LPIN1: variants seen among roughly 807,000 people sequenced by gnomAD.
LPIN1 encodes lipin 1.
In LPIN1, 71 loss-of-function variants were observed where a neutral mutation model predicts 107.5. The ratio of observed to expected loss-of-function variants is 0.66; its 90% CI spans 0.55 to 0.80. The LOEUF is 0.80. Ranked by LOEUF, LPIN1 falls within the 30% of genes least tolerant of loss-of-function variation. The pLI is 0.00. For missense variants in LPIN1, 1,043 were observed against 1,160.6 expected, an observed-to-expected ratio of 0.90 and a Z score of 1.47; for synonymous variants, 445 against 452.6, an observed-to-expected ratio of 0.98 and a Z score of 0.21.
intron 15 of LPIN1, among the ~76,000 whole-genome samples, chr2:11,804,055 G>T (rs1678225777): frequency 6.6e-6 from 1 of 152,140 alleles, no homozygotes; most frequent in Non-Finnish European, 1.5e-5. Context: ...TCCTAGAGTG[G>T]TAAGTGTATC....
At chr2:11,690,329 A>T (rs1662207430) in intron 1 of LPIN1, among the ~76,000 whole-genome samples, 1 of 152,154 alleles carries the variant, frequency 6.6e-6, no homozygotes, top group African/African-American at 2.4e-5. Flanking sequence ...ATAAAATTAT[A>T]GGTCAACAGT....
chr2:11,711,280 A>G (rs1663393653), intron 1 of LPIN1, among the ~76,000 whole-genome samples: 1 of 152,188 alleles, frequency 6.6e-6, no homozygotes, highest in African/African-American at 2.4e-5. Context: ...ACAGGAGCTG[A>G]AATAGAAGCA....
intron 1 of LPIN1, among the ~76,000 whole-genome samples, chr2:11,692,523 TA>T (rs1220782890): frequency 1.3e-5 from 2 of 152,222 alleles, no homozygotes; most frequent in Admixed American, 6.5e-5. Flanking sequence ...TATGTAACGC[TA>T]GTGAATTCTT....
intron 17 of LPIN1, among the ~76,000 whole-genome samples, chr2:11,812,281 A>G (rs1558292104): frequency 1.3e-5 from 2 of 152,248 alleles, no homozygotes; most frequent in South Asian, 4.1e-4. Flanking sequence ...GTAGCAAAGA[A>G]TGGGACAAAG....
chr2:11,792,492 C>T (rs1190491920), intron 13 of LPIN1: 1 of 190,048 alleles, frequency 5.3e-6, no homozygotes, highest in Non-Finnish European at 1.1e-5. Flanking sequence ...AAGCAATCCT[C>T]CCATCTCAGC....
At chr2:11,698,625 G>A (rs1177722657) in intron 1 of LPIN1, among the ~76,000 whole-genome samples, 2 of 152,312 alleles carry the variant, frequency 1.3e-5, no homozygotes, top group Admixed American at 6.5e-5. Flanking sequence ...TTTCTTCCGC[G>A]TTATGAAATA....
chr2:11,781,931 T>C (rs1673634122), intron 7 of LPIN1, among the ~76,000 whole-genome samples: 1 of 152,274 alleles, frequency 6.6e-6, no homozygotes, highest in African/African-American at 2.4e-5. Context: ...ACTTGTAATC[T>C]AACAGCATTT....
At chr2:11,719,548 G>T (rs1395013365), upstream of LPIN1, among the ~76,000 whole-genome samples, 1 of 152,228 alleles carries the variant, frequency 6.6e-6, no homozygotes, top group African/African-American at 2.4e-5. Flanking sequence ...CTCCATTGAA[G>T]ATGCCCCTCC....
At chr2:11,730,665 G>A (rs1354352238) in intron 1 of LPIN1, among the ~76,000 whole-genome samples, 2 of 152,052 alleles carry the variant, frequency 1.3e-5, no homozygotes, top group African/African-American at 4.8e-5. Flanking sequence ...TTTTTCTACG[G>A]GTAGGCTTTT....
At chr2:11,731,266 C>T (rs1665178730) in intron 1 of LPIN1, among the ~76,000 whole-genome samples, 1 of 152,050 alleles carries the variant, frequency 6.6e-6, no homozygotes, top group Non-Finnish European at 1.5e-5. Flanking sequence ...TGTGTTGTTC[C>T]CCTCCCTGTG....
chr2:11,718,269 C>A (rs527905336), intron 2 of LPIN1, among the ~76,000 whole-genome samples: 1 of 152,206 alleles, frequency 6.6e-6, no homozygotes, highest in African/African-American at 2.4e-5. Context: ...GCTCTGTCGC[C>A]CAGGCTGGAG....
rs1171247173 is a variant in LPIN1, at chr2:11,774,965, T to TA, written c.723-1105dup. Among the ~76,000 whole-genome samples, 2,111 of 119,918 alleles carry TA rather than the reference T, an allele frequency of 0.018. 17 individuals are homozygous for TA. Among genetic ancestry groups the TA allele is most frequent in the Middle Eastern group, 0.03 (7 of 236 alleles). The allele number at this position is 119,918 out of a possible 152,430, so 78.7% of individuals were successfully genotyped here. A position where few individuals can be genotyped will look rare whatever the true frequency, so the allele number is the denominator to read the frequency against. On this transcript the variant is annotated intron_variant, in intron 5 of 20. Coordinates refer to ENST00000674199, the MANE Select transcript of LPIN1 (RefSeq NM_001349206.2). This position sits in a 1 kb window ranked among gnomAD's most constrained non-coding sequence, Gnocchi z 4.4. ...TTCCAGTAGCCCTATTTTTAAAAAG[T>TA]AAAAAAAAAAAAAAAAGATGAAATT...
chr2:11,767,545 T>C, intron 2 of LPIN1: 1 of 591,502 alleles, frequency 1.7e-6, no homozygotes, highest in Non-Finnish European at 3.0e-6. Flanking sequence ...TTGGGTTCCA[T>C]CTTTCCTGGT....
In LPIN1 at chr2:11,826,930, G is replaced by C. The variant is rs151288268; in HGVS notation, c.*2139G>C. 2.0e-5 allele frequency: 3 copies of C among 152,746 alleles called. No homozygotes were observed. Among genetic ancestry groups the C allele is most frequent in the African/African-American group, 7.2e-5 (3 of 41,560 alleles). 9.5% of individuals were successfully genotyped at this position (152,746 alleles called of 1,614,324 possible). On this transcript the variant is annotated 3_prime_UTR_variant, in exon 21 of 21. Coordinates refer to ENST00000674199, the MANE Select transcript of LPIN1 (RefSeq NM_001349206.2). ...CAAGTTCAATGTGAGCCCTGGCAAG[G>C]CTGGCATATTAACACCTGCCTTCTG...
At chr2:11,790,930 G>A (rs1675610265) in intron 12 of LPIN1, among the ~76,000 whole-genome samples, 1 of 152,086 alleles carries the variant, frequency 6.6e-6, no homozygotes, top group East Asian at 1.9e-4. Flanking sequence ...AGTTTGTGAA[G>A]GACTGAAAAT....
At chr2:11,686,874 G>A (rs1175371171) in intron 1 of LPIN1, among the ~76,000 whole-genome samples, 9 of 152,058 alleles carry the variant, frequency 5.9e-5, no homozygotes, top group Admixed American at 5.9e-4. Context: ...CCCAGCTGCT[G>A]GGGGCAGAGT....
chr2:11,694,034 A>G (rs1268024569), intron 1 of LPIN1, among the ~76,000 whole-genome samples: 1 of 151,202 alleles, frequency 6.6e-6, no homozygotes, highest in African/African-American at 2.4e-5. Context: ...GGGTTTCACC[A>G]TCTTGGCCAG....
chr2:11,728,263 G>A (rs1572430571), intron 1 of LPIN1, among the ~76,000 whole-genome samples: 1 of 152,184 alleles, frequency 6.6e-6, no homozygotes, highest in Non-Finnish European at 1.5e-5. Context: ...TAGGTTTCCT[G>A]TAGACATTAT....
At chr2:11,819,802 C>T (rs180988135) in intron 19 of LPIN1, among the ~76,000 whole-genome samples, 15 of 152,170 alleles carry the variant, frequency 9.9e-5, no homozygotes, top group African/African-American at 2.9e-4. Context: ...TGAAGGTTGG[C>T]GGGTGGGTCA....
Sources: allele counts gnomAD v4.1 joint callset (sites outside exome capture counted in the v4.1 genomes callset), GRCh38; gene constraint gnomAD v4.1.1; non-coding constraint Gnocchi (gnomAD v3.1); transcripts MANE v1.5; gene names NCBI Gene and HGNC (gene_info 2026-07-23, HGNC 2026-07-21).